CIP2A: variants seen among roughly 807,000 people sequenced by gnomAD.
CIP2A encodes protein CIP2A.
In CIP2A, 103 loss-of-function variants were observed where a neutral mutation model predicts 110.9. The ratio of observed to expected loss-of-function variants is 0.93; its 90% CI spans 0.79 to 1.09. CIP2A has a LOEUF of 1.09. Among genes scored for constraint, CIP2A ranks in the 50% least tolerant of loss-of-function variants. The pLI is 0.00. For missense variants in CIP2A, 1,088 were observed against 1,038.4 expected, an observed-to-expected ratio of 1.05 and a Z score of -0.66; for synonymous variants, 381 against 361.6, an observed-to-expected ratio of 1.05 and a Z score of -0.61.
At chr3:108,581,291 G>T in intron 5 of CIP2A, 124 bp downstream of exon 5, 1 of 652,306 alleles carries the variant, frequency 1.5e-6, no homozygotes, top group Non-Finnish European at 2.6e-6. Flanking sequence ...AATTTTGATG[G>T]GTCATCCGAT....
In CIP2A at chr3:108,589,406, C is replaced by A. The variant is rs1348899894; in HGVS notation, c.-31G>T. 6.6e-7 allele frequency: 1 copy of A among 1,519,366 alleles called. No homozygotes were observed. The highest frequency in any genetic ancestry group is 9.1e-7 in the Non-Finnish European group (1 of 1,102,364). 94.1% of individuals were successfully genotyped at this position (1,519,366 alleles called of 1,614,324 possible). On this transcript the variant is annotated 5_prime_UTR_variant, in exon 1 of 21. Transcript: ENST00000295746. ...CGGCCGCGGCCCGGCTTAGGGACCA[C>A]CACCGCCCAGCGTGCGCCGGCCTTT... is the stretch of plus-strand genomic sequence containing the variant.
In CIP2A at chr3:108,569,513, G is replaced by C. The variant is rs1478214444; in HGVS notation, c.989C>G (p.Thr330Ser). The C allele has an allele frequency of 6.2e-7, 1 of 1,612,764 alleles. No individual in the cohort carries two copies. Among genetic ancestry groups the C allele is most frequent in the Non-Finnish European group, 8.5e-7 (1 of 1,179,354 alleles). ...MFEQSPPGSATLGSHTKCLEP... is the reference protein window; with the variant it reads ...MFEQSPPGSASLGSHTKCLEP... Reference sequence around the variant, plus strand: ...TAAACATTTAGTATGGCTTCCCAGAGTGGCGCTGCCAGGTGGAGACTGTTC... The same window carrying C: ...TAAACATTTAGTATGGCTTCCCAGACTGGCGCTGCCAGGTGGAGACTGTTC... Residue 330 changes from threonine to serine, a missense_variant, in exon 9 of 21, where the codon ACT becomes AGT. By Grantham distance (58) the Thr-to-Ser change is moderately conservative (BLOSUM62 1). Coordinates refer to ENST00000295746, the MANE Select transcript of CIP2A (RefSeq NM_020890.3).
Position 108,551,145 on chromosome 3 carries a change from A to T in CIP2A, c.*4T>A. 6.7e-7 allele frequency: 1 copy of T among 1,493,132 alleles called. No homozygotes were observed. The highest frequency in any genetic ancestry group is 9.0e-7 in the Non-Finnish European group (1 of 1,113,312). 92.5% of individuals were successfully genotyped at this position (1,493,132 alleles called of 1,614,324 possible). A position where few individuals can be genotyped will look rare whatever the true frequency, so the allele number is the denominator to read the frequency against. On this transcript the variant is annotated 3_prime_UTR_variant, in exon 21 of 21. Coordinates refer to ENST00000295746, the MANE Select transcript of CIP2A (RefSeq NM_020890.3). ...AGATTACAAATTCCAAAATGCCATA[A>T]TGTCTATATACTGAGATTCACAGTT...
chr3:108,570,898 G>C (rs1252155804), intron 8 of CIP2A, among the ~76,000 whole-genome samples: 2 of 152,076 alleles, frequency 1.3e-5, no homozygotes, highest in Non-Finnish European at 2.9e-5. Flanking sequence ...TTTGTAGTAA[G>C]AGAAACACAC....
rs532717139 is a variant in CIP2A, at chr3:108,560,939, T to G, written c.1635-98A>C. On this transcript the variant is annotated intron_variant, in intron 13 of 20. Transcript: ENST00000295746. ...AGGGAATTTTTAAGAATGGGTCCTT[T>G]TTTTGAATAGAAGTCTTCAAATAAT... The G allele has an allele frequency of 2.2e-5, 15 of 680,504 alleles. No homozygotes were observed. The African/African-American group carries it at 2.4e-4, about 11-fold the overall frequency. 42.2% of individuals were successfully genotyped at this position (680,504 alleles called of 1,614,324 possible).
intron 8 of CIP2A, among the ~76,000 whole-genome samples, chr3:108,575,278 ACAC>A (rs774769975): frequency 3.2e-4 from 42 of 130,850 alleles, no homozygotes; most frequent in Non-Finnish European, 2.2e-4. Context: ...ATATACACAC[ACAC>A]GTGTACGTAC....
chr3:108,560,758 G>C lies in CIP2A; in HGVS notation c.1718C>G (p.Ser573Ter). Residue 573 changes from serine to a stop codon, truncating the protein, a stop_gained, in exon 14 of 21, where the codon TCA becomes TGA. Transcript: ENST00000295746. LOFTEE classifies it high-confidence loss of function. ...HIPRKMPWQS[S>*]NHSFPTSIKC... ...TATTGATGTTGGAAAACTGTGATTT[G>C]ATGATTGCCAGGGCATTTTTCTGGG... 1 of 1,612,774 alleles carries C rather than the reference G, an allele frequency of 6.2e-7. No individual in the cohort carries two copies. The highest frequency in any genetic ancestry group is 1.3e-5 in the African/African-American group (1 of 74,942).
intron 13 of CIP2A, among the ~76,000 whole-genome samples, chr3:108,562,544 T>C (rs374023014): frequency 1.2e-4 from 19 of 152,308 alleles, no homozygotes; most frequent in South Asian, 6.2e-4. Context: ...AGACATTTAG[T>C]TCAGAGAGCC....
intron 9 of CIP2A, 55 bp from the exon 10 acceptor site, chr3:108,568,369 GA>G (rs1938259825): frequency 2.1e-6 from 3 of 1,449,506 alleles, no homozygotes; most frequent in Admixed American, 2.0e-5. Flanking sequence ...ATACAATACA[GA>G]AAAAGTCATC....
intron 8 of CIP2A, among the ~76,000 whole-genome samples, chr3:108,575,287 C>CGTACACACACGTGCAT (rs1173982400): frequency 4.6e-5 from 6 of 130,016 alleles, no homozygotes; most frequent in African/African-American, 2.8e-4. Flanking sequence ...CACACGTGTA[C>CGTACACACACGTGCAT]GTACACACAC....
intron 1 of CIP2A, among the ~76,000 whole-genome samples, chr3:108,586,598 A>C (rs2107374940): frequency 6.6e-6 from 1 of 152,342 alleles, no homozygotes; most frequent in South Asian, 2.1e-4. Flanking sequence ...TGGCCTAGGC[A>C]TCGATCTAGG....
rs193184695 is a variant in CIP2A, at chr3:108,565,513, T to C, written c.1416-59A>G. On this transcript the variant is annotated intron_variant, in intron 11 of 20. Transcript: ENST00000295746. ...TGAAAAATTTCTTAGAGCTTGTTTC[T>C]GTCCAAAATTCTAAAGAAAATGAAA... The C allele has an allele frequency of 1.8e-3, 1,559 of 871,294 alleles. 7 individuals carry two copies. Among genetic ancestry groups the C allele is most frequent in the Admixed American group, 3.4e-3 (130 of 38,186 alleles). 54.0% of individuals were successfully genotyped at this position (871,294 alleles called of 1,614,324 possible). A position where few individuals can be genotyped will look rare whatever the true frequency, so the allele number is the denominator to read the frequency against.
intron 5 of CIP2A, among the ~76,000 whole-genome samples, chr3:108,580,452 C>CAA (rs1464888361): frequency 2.6e-5 from 4 of 151,222 alleles, no homozygotes; most frequent in Non-Finnish European, 4.4e-5. Context: ...CACACACACA[C>CAA]ACACACACAC....
At chr3:108,573,631 T>C (rs574189107) in intron 8 of CIP2A, among the ~76,000 whole-genome samples, 3 of 152,166 alleles carry the variant, frequency 2.0e-5, no homozygotes, top group African/African-American at 7.2e-5. Context: ...TTAGCACTTA[T>C]ATTACAGATT....
chr3:108,575,435 CATACATAT>C (rs1938556282), intron 8 of CIP2A, among the ~76,000 whole-genome samples: 1 of 146,084 alleles, frequency 6.8e-6, no homozygotes, highest in Non-Finnish European at 1.5e-5. Context: ...TATACATACA[CATACATAT>C]ATACATATAC....
Position 108,566,552 on chromosome 3 carries a change from T to A in CIP2A, c.1360A>T (p.Thr454Ser). ...AATCCCAGGTCAATCTTGCCATATG[T>A]AAATTGTTGTTCTATAAGAGTGGTA... ...KCTTLIEQQF[T>S]YGKIDLGFGT... is the part of the protein sequence containing the mutation. Residue 454 changes from threonine (T) to serine (S), a missense_variant, in exon 11 of 21, where the codon ACA (threonine) becomes TCA (serine). Transcript: ENST00000295746. 6.2e-7 allele frequency: 1 copy of A among 1,608,218 alleles called. No homozygotes were observed. The highest frequency in any genetic ancestry group is 8.5e-7 in the Non-Finnish European group (1 of 1,176,932).
At chr3:108,558,570 A>AG (rs1303323105) in intron 16 of CIP2A, among the ~76,000 whole-genome samples, 14 of 152,258 alleles carry the variant, frequency 9.2e-5, no homozygotes, top group African/African-American at 2.6e-4. Flanking sequence ...ACCATGAGTG[A>AG]GGGAAAAAAG....
chr3:108,581,944 A>T (rs1181382871), intron 4 of CIP2A, among the ~76,000 whole-genome samples, 164 bp downstream of exon 4: 3 of 152,052 alleles, frequency 2.0e-5, no homozygotes, highest in African/African-American at 7.2e-5. Flanking sequence ...ATACTTTTAC[A>T]ACTTTTGATC....
Position 108,559,796 on chromosome 3 carries a change from A to T in CIP2A, c.1974T>A (p.Ile658=), listed in dbSNP as rs1937935906. The change falls in exon 16 of 21, where the codon ATT becomes ATA. Residue 658 remains isoleucine, a synonymous_variant. Transcript: ENST00000295746. ...ALALAQADRL[I]AQHRCQRTQA... is the part of the protein sequence containing the mutation. ...GAGTTCTTTGACAGCGATGCTGAGC[A>T]ATCAGTCTATCAGCCTGTGCAAGGG... The T allele has an allele frequency of 6.3e-7, 1 of 1,594,558 alleles. No homozygotes were observed. Among genetic ancestry groups the T allele is most frequent in the African/African-American group, 1.3e-5 (1 of 74,618 alleles).
Sources: allele counts gnomAD v4.1 joint callset (sites outside exome capture counted in the v4.1 genomes callset), GRCh38; gene constraint gnomAD v4.1.1; transcripts MANE v1.5; gene names NCBI Gene and HGNC (gene_info 2026-07-23, HGNC 2026-07-21).